Variants in PSG8 observed in about 807,000 individuals in gnomAD.
PSG8 encodes the protein pregnancy specific beta-1-glycoprotein 8.
Under a neutral mutation model 42.5 loss-of-function variants are expected in PSG8, and 57 were observed. That is an observed-to-expected ratio of 1.34 (90% CI 1.08 to 1.67). PSG8 has a LOEUF of 1.67. Ranked by LOEUF, PSG8 falls within the 40% of genes most tolerant of loss-of-function variation. PSG8 has a pLI of 0.00. For missense variants in PSG8, 783 were observed against 518.6 expected (o/e 1.51, Z -4.95); for synonymous variants, 280 against 196.8 (o/e 1.42, Z -3.54).
At chr19:42,764,306 C>G in intron 1 of PSG8, 25 bp from the exon 2 acceptor site, 4 of 1,603,248 alleles carry the variant, frequency 2.5e-6, no homozygotes, top group Non-Finnish European at 3.4e-6. Flanking sequence ...GAGCATCAGT[C>G]AATATTGAGA....
intron 2 of PSG8, among the ~76,000 whole-genome samples, chr19:42,759,211 CT>C (rs1263124417): frequency 6.6e-6 from 1 of 152,106 alleles, no homozygotes; most frequent in Admixed American, 6.6e-5. Context: ...CAGATACTTT[CT>C]CTCATTAGAC....
intron 2 of PSG8, among the ~76,000 whole-genome samples, chr19:42,760,565 G>A (rs1970047862): frequency 6.6e-6 from 1 of 151,966 alleles, no homozygotes; most frequent in Admixed American, 6.6e-5. Context: ...AGCATCAAAA[G>A]CATTCTTCAT....
chr19:42,761,532 C>T (rs11883065), intron 2 of PSG8, among the ~76,000 whole-genome samples: 13,963 of 152,092 alleles, frequency 0.092, 855 homozygotes, highest in African/African-American at 0.17. Flanking sequence ...TTCTGGCAAC[C>T]GGCTGACCTC....
intron 2 of PSG8, among the ~76,000 whole-genome samples, chr19:42,759,195 G>T (rs1378233961): frequency 6.6e-6 from 1 of 152,098 alleles, no homozygotes; most frequent in East Asian, 1.9e-4. Context: ...TTGGGAAGAA[G>T]CCTTGCAGAT....
intron 2 of PSG8, among the ~76,000 whole-genome samples, chr19:42,761,820 ATTTTTTTTTTT>A (rs58868359): frequency 0.012 from 868 of 70,416 alleles, 4 homozygotes; most frequent in African/African-American, 0.042. Context: ...CATTTCAATA[ATTTTTTTTTTT>A]TTTTTTTTTT....
At chr19:42,761,408 C>T (rs1002960030) in intron 2 of PSG8, among the ~76,000 whole-genome samples, 2 of 152,300 alleles carry the variant, frequency 1.3e-5, no homozygotes, top group Non-Finnish European at 1.5e-5. Flanking sequence ...TCCCTGACTG[C>T]TCCGATGTCA....
At chr19:42,761,066 G>A (rs1281059637) in intron 2 of PSG8, among the ~76,000 whole-genome samples, 2 of 152,104 alleles carry the variant, frequency 1.3e-5, no homozygotes, top group African/African-American at 2.4e-5. Context: ...TGAGCCCATG[G>A]GCTTTGGGGA....
rs777804512 is a variant in PSG8 at position 42,758,088 on chromosome 19, G to C, written c.623C>G (p.Thr208Arg). 1 of 1,614,038 alleles carries C rather than the reference G, an allele frequency of 6.2e-7. No individual in the cohort carries two copies. The highest frequency in any genetic ancestry group is 1.1e-5 in the South Asian group (1 of 91,066). ...TNRTLFLLGV[T>R]KYTAGPYECE... Reference sequence around the variant, plus strand: ...TTCATAGGGTCCTGCAGTGTACTTTGTGACACCCAATAGAAAGAGGGTCCT... The same window carrying C: ...TTCATAGGGTCCTGCAGTGTACTTTCTGACACCCAATAGAAAGAGGGTCCT... Residue 208 changes from threonine (T) to arginine (R), a missense_variant, in exon 3 of 5, where the codon ACA becomes AGA. Coordinates refer to ENST00000306511, the MANE Select transcript of PSG8 (RefSeq NM_182707.3).
intron 2 of PSG8, chr19:42,758,528 A>C: frequency 1.2e-6 from 1 of 829,020 alleles, no homozygotes; most frequent in South Asian, 2.1e-5. Context: ...GGTCATGGAA[A>C]GACACAGGAC....
At chr19:42,760,478 G>T (rs1344808763) in intron 2 of PSG8, among the ~76,000 whole-genome samples, 3 of 152,080 alleles carry the variant, frequency 2.0e-5, no homozygotes, top group Non-Finnish European at 2.9e-5. Context: ...GAACTTTCCT[G>T]TTTCAGTTTT....
At chr19:42,761,851 T>G (rs1031663748) in intron 2 of PSG8, among the ~76,000 whole-genome samples, 1 of 130,160 alleles carries the variant, frequency 7.7e-6, no homozygotes, top group Admixed American at 8.2e-5. Flanking sequence ...TTTTTTTTTT[T>G]TGTGCAGGAG....
chr19:42,755,323 G>C (rs1457937482), intron 3 of PSG8, 57 bp from the exon 4 acceptor site: 5 of 1,587,674 alleles, frequency 3.1e-6, no homozygotes, highest in South Asian at 2.3e-5. Context: ...TCCTCCACAG[G>C]CATCCTTCAA....
intron 4 of PSG8, 74 bp from the exon 5 acceptor site, chr19:42,754,661 A>T: frequency 6.6e-7 from 1 of 1,519,320 alleles, no homozygotes; most frequent in South Asian, 1.3e-5. Context: ...TTAAAGGGAC[A>T]CAGTGACCCT....
At chr19:42,758,800 CAG>C (rs992800538) in intron 2 of PSG8, 2 of 165,430 alleles carry the variant, frequency 1.2e-5, no homozygotes, top group African/African-American at 2.4e-5. Flanking sequence ...AGAAATAACA[CAG>C]GGGAGAACAG....
intron 2 of PSG8, chr19:42,758,485 A>C: frequency 8.7e-7 from 1 of 1,153,322 alleles, no homozygotes; most frequent in Non-Finnish European, 1.2e-6. Context: ...AGAAACACAG[A>C]CTTTCTCAAG....
chr19:42,756,698 T>C (rs1013585314), intron 3 of PSG8, among the ~76,000 whole-genome samples: 3 of 152,154 alleles, frequency 2.0e-5, no homozygotes, highest in Admixed American at 6.5e-5. Context: ...GCCTCACTCG[T>C]ATATTTTTGA....
rs371564796 is a variant in PSG8, at chr19:42,754,249, T to A, written c.*46A>T. ...GTGCCCATGGGACGCAGGCTGGGAATAAAAATGTTTTCCTGACTCTTCCCT... is the reference window on the plus strand; with the variant it reads ...GTGCCCATGGGACGCAGGCTGGGAAAAAAAATGTTTTCCTGACTCTTCCCT... On this transcript the variant is annotated 3_prime_UTR_variant, in exon 5 of 5. Coordinates refer to ENST00000306511, the MANE Select transcript of PSG8 (RefSeq NM_182707.3). 1 of 1,601,318 alleles carries A rather than the reference T, an allele frequency of 6.2e-7. No homozygotes were observed. The highest frequency in any genetic ancestry group is 1.1e-5 in the South Asian group (1 of 89,352).
In PSG8 at chr19:42,758,281, C is replaced by G; in HGVS notation, c.431-1G>C. On this transcript the variant is annotated splice_acceptor_variant, in intron 2 of 4. Coordinates refer to ENST00000306511, the MANE Select transcript of PSG8 (RefSeq NM_182707.3). LOFTEE classifies it high-confidence loss of function. Reference sequence around the variant, plus strand: ...GAGATGGAGGGCTTGGGAGTCTCCACTGTGCAGAAAACAGAGAGAAGATTG... The same window carrying G: ...GAGATGGAGGGCTTGGGAGTCTCCAGTGTGCAGAAAACAGAGAGAAGATTG... The G allele has an allele frequency of 6.2e-7, 1 of 1,613,578 alleles. No individual in the cohort carries two copies. Among genetic ancestry groups the G allele is most frequent in the Middle Eastern group, 1.7e-4 (1 of 6,028 alleles).
Position 42,754,709 on chromosome 19 carries a change from C to G in PSG8, c.989-122G>C, listed in dbSNP as rs965876945. The G allele has an allele frequency of 9.6e-5, 128 of 1,329,738 alleles. 1 individual carries two copies. The highest frequency in any genetic ancestry group is 1.2e-4 in the Non-Finnish European group (121 of 986,982). 82.4% of individuals were successfully genotyped at this position (1,329,738 alleles called of 1,614,324 possible). On this transcript the variant is annotated intron_variant, in intron 4 of 4. Coordinates refer to ENST00000306511, the MANE Select transcript of PSG8 (RefSeq NM_182707.3). ...ACACCCTCAAGTCCCAGCCCAACCCCCTCTATGTTCACTGAGCCGAATCCT... is the reference window on the plus strand; with the variant it reads ...ACACCCTCAAGTCCCAGCCCAACCCGCTCTATGTTCACTGAGCCGAATCCT...
Sources: gnomAD v4.1 joint callset for allele counts (sites outside exome capture counted in the v4.1 genomes callset) on GRCh38, gnomAD v4.1.1 for gene constraint, MANE v1.5 for transcripts, NCBI Gene and HGNC (gene_info 2026-07-23, HGNC 2026-07-21) for gene names.